RB1: variants seen among roughly 807,000 people sequenced by gnomAD.
RB1 encodes the protein RB transcriptional corepressor 1.
A neutral mutation model predicts 135.4 loss-of-function variants in RB1; 18 were observed. The ratio of observed to expected loss-of-function variants is 0.13; its 90% confidence interval spans 0.09 to 0.20. The LOEUF is 0.20. Among genes scored for constraint, RB1 ranks in the 10% least tolerant of loss-of-function variants. RB1 has a pLI of 1.00. For missense variants in RB1, 868 were observed against 1,110.0 expected (o/e 0.78, Z 3.10); for synonymous variants, 365 against 373.2 (o/e 0.98, Z 0.25).
At chr13:48,304,344 C>T (rs1952059134) in intron 1 of RB1, among the ~76,000 whole-genome samples, 1 of 152,084 alleles carries the variant, frequency 6.6e-6, no homozygotes, top group Non-Finnish European at 1.5e-5. Context: ...GGCAGAGGGT[C>T]GTTGCGAGCG....
intron 17 of RB1, among the ~76,000 whole-genome samples, chr13:48,444,281 T>G (rs1949266141): frequency 1.3e-5 from 2 of 151,418 alleles, no homozygotes; most frequent in Non-Finnish European, 2.9e-5. Flanking sequence ...CTTTGGGAGG[T>G]CGAGGTGGGC....
intron 17 of RB1, chr13:48,411,304 T>C (rs1948795161): frequency 9.0e-7 from 1 of 1,111,344 alleles, no homozygotes; most frequent in African/African-American, 1.5e-5. Flanking sequence ...CTTTTGGAGG[T>C]GGAAAAATAG....
intron 17 of RB1, among the ~76,000 whole-genome samples, chr13:48,440,663 C>G (rs1212200056): frequency 6.6e-6 from 1 of 151,988 alleles, no homozygotes; most frequent in Non-Finnish European, 1.5e-5. Context: ...TTGTTTTAAC[C>G]AAGAAGAACT....
chr13:48,363,886 G>C (rs1412552810), intron 8 of RB1, among the ~76,000 whole-genome samples: 1 of 152,042 alleles, frequency 6.6e-6, no homozygotes, highest in Non-Finnish European at 1.5e-5. Context: ...TGGTACTATT[G>C]CTTCTTTCCT....
At chr13:48,313,526 GT>G (rs3085650) in intron 2 of RB1, among the ~76,000 whole-genome samples, 76 of 133,298 alleles carry the variant, frequency 5.7e-4, no homozygotes, top group Non-Finnish European at 7.9e-4. Context: ...GTTTTTTTTT[GT>G]TTTTTTTTTT....
At chr13:48,414,927 G>A (rs570085290) in intron 17 of RB1, among the ~76,000 whole-genome samples, 1 of 152,190 alleles carries the variant, frequency 6.6e-6, no homozygotes, top group Non-Finnish European at 1.5e-5. Flanking sequence ...AATGAAAAAA[G>A]GAGTGGTTAA....
At chr13:48,340,257 C>A (rs1414117701) in intron 2 of RB1, among the ~76,000 whole-genome samples, 2 of 151,960 alleles carry the variant, frequency 1.3e-5, no homozygotes, top group Non-Finnish European at 2.9e-5. Flanking sequence ...GAAAACATAA[C>A]CCATAAAAGA....
chr13:48,306,705 C>A (rs758795468), intron 1 of RB1, among the ~76,000 whole-genome samples: 4 of 152,150 alleles, frequency 2.6e-5, no homozygotes, highest in Admixed American at 6.5e-5. Context: ...ATTAATTATT[C>A]TTCATACTAT....
chr13:48,321,701 C>CA (rs1566179947), intron 2 of RB1, among the ~76,000 whole-genome samples: 1 of 152,082 alleles, frequency 6.6e-6, no homozygotes, highest in East Asian at 1.9e-4. Context: ...ACTAAAAATA[C>CA]AAAAATTAGC....
rs1555294146 is a variant in RB1 at position 48,459,896 on chromosome 13, T to TTCCTTC, written c.2106+63_2106+64insTCCTTC. 1.6e-4 allele frequency: 73 copies of TTCCTTC among 448,664 alleles called. No homozygotes were observed. The African/African-American group carries it at 2.5e-3, about 15-fold the overall frequency. 27.8% of individuals were successfully genotyped at this position (448,664 alleles called of 1,614,324 possible). On this transcript the variant is annotated intron_variant, in intron 20 of 26. Transcript: ENST00000267163. ...CTTACTTGTTAACTGATTCTTTCTT[T>TTCCTTC]CTTTCTTTCTTTCTTTCTTTCTTTC...
intron 2 of RB1, chr13:48,318,971 A>G (rs1290440457): frequency 1.2e-6 from 1 of 820,922 alleles, no homozygotes; most frequent in African/African-American, 1.7e-5. Flanking sequence ...GCTTGCAGAA[A>G]GGGACCTGTT....
chr13:48,345,613 C>T (rs921782251), intron 4 of RB1, among the ~76,000 whole-genome samples: 1 of 152,100 alleles, frequency 6.6e-6, no homozygotes, highest in Non-Finnish European at 1.5e-5. Flanking sequence ...ATTTGTACTC[C>T]CAATGGTGGC....
At chr13:48,421,228 C>T (rs1212223909) in intron 17 of RB1, among the ~76,000 whole-genome samples, 3 of 152,082 alleles carry the variant, frequency 2.0e-5, no homozygotes, top group African/African-American at 7.2e-5. Flanking sequence ...GAAATAATGC[C>T]ACACATCTAC....
chr13:48,398,257 A>T (rs1429221128), intron 17 of RB1, among the ~76,000 whole-genome samples: 1 of 152,168 alleles, frequency 6.6e-6, no homozygotes, highest in African/African-American at 2.4e-5. Flanking sequence ...CTGAAAACAT[A>T]GCTAAAGCTT....
intron 17 of RB1, among the ~76,000 whole-genome samples, chr13:48,417,656 G>T (rs1364420852): frequency 2.6e-5 from 4 of 151,978 alleles, no homozygotes; most frequent in African/African-American, 7.2e-5. Context: ...TAGAGGAATT[G>T]CTACCTAAAA....
At chr13:48,410,306 A>G (rs1948781972) in intron 17 of RB1, among the ~76,000 whole-genome samples, 1 of 152,200 alleles carries the variant, frequency 6.6e-6, no homozygotes. Flanking sequence ...CCATTATTTT[A>G]CAGTTGCCTA....
At chr13:48,391,509 C>T (rs2138160010) in intron 17 of RB1, 1 of 152,238 alleles carries the variant, frequency 6.6e-6, no homozygotes, top group South Asian at 2.1e-4. Context: ...AATCCCAACA[C>T]TTAGTGGGGC....
chr13:48,303,901 C>G lies in RB1; in HGVS notation c.-12C>G. On this transcript the variant is annotated 5_prime_UTR_variant, in exon 1 of 27. Coordinates refer to ENST00000267163, the MANE Select transcript of RB1 (RefSeq NM_000321.3). ...CTCCACAGCTCGCTGGCTCCCGCCGCGGAAAGGCGTCATGCCGCCCAAAAC... is the reference window on the plus strand; with the variant it reads ...CTCCACAGCTCGCTGGCTCCCGCCGGGGAAAGGCGTCATGCCGCCCAAAAC... The G allele has an allele frequency of 2.0e-6, 3 of 1,514,854 alleles. No homozygotes were observed. Among genetic ancestry groups the G allele is most frequent in the Non-Finnish European group, 2.6e-6 (3 of 1,138,734 alleles). The allele number at this position is 1,514,854 out of a possible 1,614,324, so 93.8% of individuals were successfully genotyped here.
chr13:48,412,358 G>A lies in RB1; in HGVS notation c.1695+30915G>A, dbSNP rs774232498. 1.9e-6 allele frequency: 3 copies of A among 1,613,630 alleles called. No homozygotes were observed. The South Asian group carries it at 3.3e-5, about 18-fold the overall frequency. On this transcript the variant is annotated intron_variant, in intron 17 of 26. Coordinates refer to ENST00000267163, the MANE Select transcript of RB1 (RefSeq NM_000321.3). ...CAAGCACAAACACCATGCTGAACAT[G>A]CACCCATACAAAGTGTACTTAAAGG...
Sources: gnomAD v4.1 joint callset for allele counts (sites outside exome capture counted in the v4.1 genomes callset) on GRCh38, gnomAD v4.1.1 for gene constraint, MANE v1.5 for transcripts, NCBI Gene and HGNC (gene_info 2026-07-23, HGNC 2026-07-21) for gene names.